The following RANBP9 variants were observed in gnomAD, a reference collection of about 807,000 sequenced individuals.
RANBP9 encodes RAN binding protein 9.
In RANBP9, 15 loss-of-function variants were observed where a neutral mutation model predicts 84.3. The observed-to-expected ratio is 0.18, with a 90% CI of 0.12 to 0.27. The LOEUF (loss-of-function observed/expected upper bound fraction) is 0.27, where lower values mean the gene tolerates loss of function less well. Ranked by LOEUF, RANBP9 falls within the 10% of genes least tolerant of loss-of-function variation. The pLI, the probability that RANBP9 is intolerant of heterozygous loss-of-function variation, is 1.00. For missense variants in RANBP9, 809 were observed against 912.8 expected, an observed-to-expected ratio of 0.89 and a Z score of 1.46; for synonymous variants, 392 against 349.6, an observed-to-expected ratio of 1.12 and a Z score of -1.35.
chr6:13,635,721 C>T (rs1764921162), intron 10 of RANBP9, among the ~76,000 whole-genome samples: 1 of 151,380 alleles, frequency 6.6e-6, no homozygotes, highest in Admixed American at 6.6e-5. Context: ...TCTTAACAAA[C>T]TTCGAAAATT....
chr6:13,692,099 A>T (rs1364064688), intron 2 of RANBP9, among the ~76,000 whole-genome samples: 1 of 152,236 alleles, frequency 6.6e-6, no homozygotes, highest in Non-Finnish European at 1.5e-5. Context: ...TTTTCTCCAG[A>T]AAAACATTAG....
rs1164686777 is a variant in RANBP9 at position 13,711,324 on chromosome 6, C to G, written c.182G>C (p.Gly61Ala). 2.7e-6 allele frequency: 3 copies of G among 1,097,066 alleles called. No homozygotes were observed. The highest frequency in any genetic ancestry group is 2.2e-6 in the Non-Finnish European group (2 of 903,058). 68.0% of individuals were successfully genotyped at this position (1,097,066 alleles called of 1,614,324 possible). Residue 61 changes from glycine (G) to alanine (A), a missense_variant, in exon 1 of 14, where the codon GGG becomes GCG. This residue lies in a region of RANBP9 where 302 missense variants were observed against 240.1 expected (regional missense o/e 1.26). Coordinates refer to ENST00000011619, the MANE Select transcript of RANBP9 (RefSeq NM_005493.3). ...GAGGAGCAGGGCGGCCGCCGCGGCC[C>G]CTAAGCCTTCGCCGCCCGCACCGCC... is the stretch of plus-strand genomic sequence containing the variant. Reference protein sequence around the residue: ...PGGGAGGEGLGAAAAALLLHP... With the variant: ...PGGGAGGEGLAAAAAALLLHP...
intron 1 of RANBP9, among the ~76,000 whole-genome samples, chr6:13,708,332 A>G (rs1364384724): frequency 6.6e-6 from 1 of 152,118 alleles, no homozygotes; most frequent in Non-Finnish European, 1.5e-5. Flanking sequence ...AGATGGAGGC[A>G]GGGGGATCCC....
intron 1 of RANBP9, among the ~76,000 whole-genome samples, chr6:13,710,395 A>T (rs1339377385): frequency 6.6e-6 from 1 of 152,048 alleles, no homozygotes; most frequent in Non-Finnish European, 1.5e-5. Context: ...ATTGATGGCA[A>T]ACTTGGGCCC....
chr6:13,659,253 CACAT>C (rs755613156), intron 2 of RANBP9, among the ~76,000 whole-genome samples: 4,344 of 107,046 alleles, frequency 0.041, 98 homozygotes, highest in East Asian at 0.11. Flanking sequence ...CACACACACA[CACAT>C]ACACACACAC....
Position 13,639,586 on chromosome 6 carries a change from T to G in RANBP9, c.1502A>C (p.Lys501Thr). ...GMNIHNLASG[K>T]GSTAHFSGFE... ...ACCTGAAAAATGTGCGGTGCTTCCTTTGCCTGATGCTAAATTGTGGATATT... is the reference window on the plus strand; with the variant it reads ...ACCTGAAAAATGTGCGGTGCTTCCTGTGCCTGATGCTAAATTGTGGATATT... The change falls in exon 9 of 14, where the codon AAA (lysine) becomes ACA (threonine). Residue 501 changes from lysine to threonine, a missense_variant. Physicochemically the swap from Lys to Thr is moderately conservative, Grantham distance 78. Around this residue, in one of 5 missense-constraint regions of RANBP9, gnomAD observed 216 missense variants for 329.0 expected, o/e 0.66. Coordinates refer to ENST00000011619, the MANE Select transcript of RANBP9 (RefSeq NM_005493.3). 1 of 1,611,204 alleles carries G rather than the reference T, an allele frequency of 6.2e-7. No homozygotes were observed. The highest frequency in any genetic ancestry group is 8.5e-7 in the Non-Finnish European group (1 of 1,177,328).
chr6:13,641,292 A>G lies in RANBP9; in HGVS notation c.1241T>C (p.Val414Ala), dbSNP rs2127765148. ...IKNRQRIQKL[V>A]LAGRMGEAIE... Reference sequence around the variant, plus strand: ...GGCTTCTCCCATTCTTCCTGCTAATACCAATTTCTGAATTCCTATTCAGTA... The same window carrying G: ...GGCTTCTCCCATTCTTCCTGCTAATGCCAATTTCTGAATTCCTATTCAGTA... Residue 414 changes from valine (V) to alanine (A), a missense_variant, in exon 8 of 14, where the codon GTA becomes GCA. Val to Ala is a moderately conservative substitution (Grantham distance 64, BLOSUM62 0). Coordinates refer to ENST00000011619, the MANE Select transcript of RANBP9 (RefSeq NM_005493.3). The G allele has an allele frequency of 6.3e-7, 1 of 1,597,800 alleles. No individual in the cohort carries two copies. Among genetic ancestry groups the G allele is most frequent in the Non-Finnish European group, 8.5e-7 (1 of 1,171,738 alleles).
At chr6:13,628,150 A>G (rs1355323262) in intron 12 of RANBP9, among the ~76,000 whole-genome samples, 1 of 152,228 alleles carries the variant, frequency 6.6e-6, no homozygotes, top group Admixed American at 6.5e-5. Context: ...TATCATCTAG[A>G]GAAGCAAACT....
intron 2 of RANBP9, among the ~76,000 whole-genome samples, chr6:13,685,692 G>T (rs1470368781): frequency 1.3e-5 from 2 of 152,162 alleles, no homozygotes; most frequent in Non-Finnish European, 2.9e-5. Context: ...CACTTTGGGA[G>T]GCCTAGGTGG....
At chr6:13,661,373 T>C (rs1437248219) in intron 2 of RANBP9, among the ~76,000 whole-genome samples, 5 of 151,788 alleles carry the variant, frequency 3.3e-5, no homozygotes, top group East Asian at 1.9e-4. Context: ...AAAATAAGCA[T>C]AGAAAAAGAC....
At chr6:13,687,342 G>A (rs1766213741) in intron 2 of RANBP9, among the ~76,000 whole-genome samples, 1 of 151,872 alleles carries the variant, frequency 6.6e-6, no homozygotes, top group Non-Finnish European at 1.5e-5. Context: ...CCACTTCCTG[G>A]CCAGGTGTGA....
In RANBP9 at chr6:13,625,448, C is replaced by T. The variant is rs377279017; in HGVS notation, c.2059+205G>A. On this transcript the variant is annotated intron_variant, in intron 13 of 13. Coordinates refer to ENST00000011619, the MANE Select transcript of RANBP9 (RefSeq NM_005493.3). ...TTTCCCAAACATCCCAAGTTGTACC[C>T]CATCTTACTGTTTTTATTCTATTTA... 9.2e-5 allele frequency among the ~76,000 whole-genome samples: 14 copies of T among 152,224 alleles called. No individual in the cohort carries two copies. In the South Asian group the frequency reaches 1.9e-3, roughly 20 times the overall value.
At position 13,650,134 on chromosome 6, in the gene RANBP9, G is replaced by A. The variant is rs189797230; in HGVS notation, c.927+2525C>T. Among the ~76,000 whole-genome samples the A allele has an allele frequency of 4.0e-5, 6 of 150,698 alleles. 1 individual carries two copies. Among genetic ancestry groups the A allele is most frequent in the Middle Eastern group, 6.9e-3 (2 of 288 alleles). ...TCCATCACTATTTACTAAATAATGCGGCAGGGTTTTTTGTTGTTGTTGTGT... is the reference window on the plus strand; with the variant it reads ...TCCATCACTATTTACTAAATAATGCAGCAGGGTTTTTTGTTGTTGTTGTGT... On this transcript the variant is annotated intron_variant, in intron 5 of 13. Transcript: ENST00000011619.
chr6:13,668,145 T>C (rs1765693447), intron 2 of RANBP9, among the ~76,000 whole-genome samples: 1 of 151,992 alleles, frequency 6.6e-6, no homozygotes, highest in Admixed American at 6.6e-5. Context: ...AAAAGGATCA[T>C]AAGAAAACAA....
At chr6:13,646,444 A>G (rs1318890032) in intron 5 of RANBP9, among the ~76,000 whole-genome samples, 2 of 152,098 alleles carry the variant, frequency 1.3e-5, no homozygotes, top group African/African-American at 2.4e-5. Flanking sequence ...CAAAACAAAA[A>G]AACAGAAAAA....
chr6:13,636,218 C>G (rs911589134), intron 10 of RANBP9, among the ~76,000 whole-genome samples: 9 of 152,144 alleles, frequency 5.9e-5, no homozygotes, highest in African/African-American at 2.2e-4. Flanking sequence ...GCAGCCTCAG[C>G]TCTGCAACTT....
At chr6:13,642,039 CCA>C (rs1765077225) in intron 7 of RANBP9, among the ~76,000 whole-genome samples, 1 of 152,146 alleles carries the variant, frequency 6.6e-6, no homozygotes, top group South Asian at 2.1e-4. Context: ...TTATCTCTGG[CCA>C]CAGAGGCCAG....
At position 13,639,555 on chromosome 6, in the gene RANBP9, A is replaced by C. The variant is rs779521919; in HGVS notation, c.1525+8T>G. 6.3e-6 allele frequency: 10 copies of C among 1,585,928 alleles called. 1 individual carries two copies. In the South Asian group the frequency reaches 7.7e-5, roughly 12 times the overall value. On this transcript the variant is annotated splice_region_variant and intron_variant, in intron 9 of 13. Transcript: ENST00000011619. ...AATCTAAAAATAATGTCATAAGTTA[A>C]ATCTCACCTGAAAAATGTGCGGTGC...
chr6:13,691,827 G>A (rs1766328624), intron 2 of RANBP9, among the ~76,000 whole-genome samples: 1 of 152,050 alleles, frequency 6.6e-6, no homozygotes, highest in South Asian at 2.1e-4. Context: ...CACCACGCCT[G>A]GCTAATTTTT....
Sources: allele counts gnomAD v4.1 joint callset (sites outside exome capture counted in the v4.1 genomes callset), GRCh38; gene constraint gnomAD v4.1.1; regional missense constraint gnomAD v4.1.1; transcripts MANE v1.5; gene names NCBI Gene and HGNC (gene_info 2026-07-23, HGNC 2026-07-21).